EIPR1: variants seen among roughly 807,000 people sequenced by gnomAD.
EIPR1 encodes EARP and GARP complex-interacting protein 1.
A neutral mutation model predicts 48.1 loss-of-function variants in EIPR1; 25 were observed. That is an observed-to-expected ratio of 0.52 (90% CI 0.38 to 0.73). The LOEUF is 0.73. Ranked by LOEUF, EIPR1 falls within the 30% of genes least tolerant of loss-of-function variation. The probability of loss-of-function intolerance (pLI) is 0.00; values close to 1 mark genes in which losing one functional copy is unlikely to be tolerated. For missense variants in EIPR1, 415 were observed against 506.2 expected (o/e 0.82, Z 1.73); for synonymous variants, 204 against 201.9 (o/e 1.01, Z -0.09).
At chr2:3,257,845 TCTCTC>T (rs1667210118) in intron 3 of EIPR1, among the ~76,000 whole-genome samples, 1 of 152,226 alleles carries the variant, frequency 6.6e-6, no homozygotes, top group South Asian at 2.1e-4. Context: ...AAACGGGTTT[TCTCTC>T]CATAGCTGTA....
rs370318188 is a variant in EIPR1, at chr2:3,189,302, T to C, written c.*32A>G. The stretch of plus-strand genomic sequence containing the variant: ...GAGAATCTGCCAAGAGGAAAACCAC[T>C]CAATGGGACCTGGATAACCCAGGCC... On this transcript the variant is annotated 3_prime_UTR_variant, in exon 9 of 9. Coordinates refer to ENST00000382125, the MANE Select transcript of EIPR1 (RefSeq NM_003310.5). The surrounding 1 kb of genome is among the most constrained non-coding windows in gnomAD (Gnocchi z 4.6). 5.3e-6 allele frequency: 8 copies of C among 1,523,514 alleles called. No individual in the cohort carries two copies. In the African/African-American group the frequency reaches 9.6e-5, roughly 18 times the overall value. The allele number at this position is 1,523,514 out of a possible 1,614,324, so 94.4% of individuals were successfully genotyped here.
At chr2:3,243,450 T>C (rs1666699387) in intron 4 of EIPR1, among the ~76,000 whole-genome samples, 1 of 151,938 alleles carries the variant, frequency 6.6e-6, no homozygotes, top group Non-Finnish European at 1.5e-5. Flanking sequence ...GCCAACGTGG[T>C]AAAACCCCAT....
intron 3 of EIPR1, among the ~76,000 whole-genome samples, chr2:3,288,712 A>C (rs1668279739): frequency 6.6e-6 from 1 of 152,230 alleles, no homozygotes; most frequent in Admixed American, 6.5e-5. Context: ...CATCAAGACC[A>C]GGAAACACTG....
At chr2:3,265,668 C>T (rs979212240) in intron 3 of EIPR1, among the ~76,000 whole-genome samples, 2 of 152,216 alleles carry the variant, frequency 1.3e-5, no homozygotes, top group African/African-American at 4.8e-5. Context: ...CCACATAAAA[C>T]CAGACATATG....
At chr2:3,285,419 G>A (rs549074740) in intron 3 of EIPR1, among the ~76,000 whole-genome samples, 1 of 150,968 alleles carries the variant, frequency 6.6e-6, no homozygotes, top group South Asian at 2.1e-4. Flanking sequence ...CACTGGCCAC[G>A]GCCTCTGCTT....
At chr2:3,226,304 C>T (rs1159156076) in intron 4 of EIPR1, among the ~76,000 whole-genome samples, 2 of 152,170 alleles carry the variant, frequency 1.3e-5, no homozygotes, top group African/African-American at 4.8e-5. Flanking sequence ...CTTTTTCATA[C>T]TGGCCATCCT....
At chr2:3,283,210 G>A (rs958856543) in intron 3 of EIPR1, among the ~76,000 whole-genome samples, 5 of 152,110 alleles carry the variant, frequency 3.3e-5, no homozygotes, top group African/African-American at 1.2e-4. Flanking sequence ...GCTCTCCTGG[G>A]GCAGGGACAT....
At chr2:3,201,201 C>T (rs1453757941) in intron 5 of EIPR1, among the ~76,000 whole-genome samples, 2 of 152,140 alleles carry the variant, frequency 1.3e-5, no homozygotes, top group African/African-American at 2.4e-5. Flanking sequence ...GGCAAAAGCG[C>T]CGGGAACACC....
At chr2:3,271,381 T>C (rs948718939) in intron 3 of EIPR1, among the ~76,000 whole-genome samples, 4 of 152,344 alleles carry the variant, frequency 2.6e-5, no homozygotes, top group African/African-American at 2.4e-5. Flanking sequence ...CCAAGACCCA[T>C]CAGAGGAATC....
At chr2:3,237,111 G>T (rs1387726545) in intron 4 of EIPR1, among the ~76,000 whole-genome samples, 4 of 152,026 alleles carry the variant, frequency 2.6e-5, no homozygotes, top group Non-Finnish European at 5.9e-5. Flanking sequence ...CCCCACACAG[G>T]TCCACCTGGG....
chr2:3,222,435 A>C (rs1665925327), intron 4 of EIPR1, among the ~76,000 whole-genome samples: 1 of 152,270 alleles, frequency 6.6e-6, no homozygotes, highest in Non-Finnish European at 1.5e-5. Context: ...TGGCTGTATA[A>C]GTAACTTTTT....
At chr2:3,255,977 G>A (rs761764889) in intron 4 of EIPR1, among the ~76,000 whole-genome samples, 1 of 152,142 alleles carries the variant, frequency 6.6e-6, no homozygotes, top group Admixed American at 6.5e-5. Flanking sequence ...TCCTGCATTC[G>A]GGCGGGGAGT....
chr2:3,209,530 C>T (rs1665367249), intron 5 of EIPR1, among the ~76,000 whole-genome samples: 1 of 152,226 alleles, frequency 6.6e-6, no homozygotes, highest in African/African-American at 2.4e-5. Context: ...AAACGCACAG[C>T]GATCAGCCCC....
intron 5 of EIPR1, among the ~76,000 whole-genome samples, chr2:3,209,836 T>C (rs982193505): frequency 6.6e-6 from 1 of 152,106 alleles, no homozygotes; most frequent in Non-Finnish European, 1.5e-5. Context: ...ATGGCAATGG[T>C]GAAAAGATCG....
At chr2:3,363,556 T>A (rs1670900239) in intron 1 of EIPR1, among the ~76,000 whole-genome samples, 1 of 151,954 alleles carries the variant, frequency 6.6e-6, no homozygotes, top group Non-Finnish European at 1.5e-5. Context: ...GTCAGCCAAG[T>A]GTGGAGGTGT....
At chr2:3,351,899 A>G (rs1670587531) in intron 2 of EIPR1, among the ~76,000 whole-genome samples, 1 of 152,244 alleles carries the variant, frequency 6.6e-6, no homozygotes, top group Non-Finnish European at 1.5e-5. Context: ...TCTAAATCAC[A>G]TACCATTCTG....
At chr2:3,234,427 G>A (rs1278000160) in intron 4 of EIPR1, among the ~76,000 whole-genome samples, 1 of 152,076 alleles carries the variant, frequency 6.6e-6, no homozygotes, top group African/African-American at 2.4e-5. Context: ...TCTCCGTGTC[G>A]GCTGGGGACA....
intron 3 of EIPR1, among the ~76,000 whole-genome samples, chr2:3,288,681 C>T (rs2103270532): frequency 6.6e-6 from 1 of 152,224 alleles, no homozygotes; most frequent in East Asian, 1.9e-4. Flanking sequence ...ACGTGAAGAT[C>T]CCGAGACAAG....
chr2:3,346,166 C>T (rs903303709), intron 2 of EIPR1, among the ~76,000 whole-genome samples: 7 of 152,242 alleles, frequency 4.6e-5, no homozygotes, highest in African/African-American at 7.2e-5. Flanking sequence ...GGCCCAAGGG[C>T]GGCAGCAGGG....
Sources: allele counts gnomAD v4.1 joint callset (sites outside exome capture counted in the v4.1 genomes callset), GRCh38; gene constraint gnomAD v4.1.1; non-coding constraint Gnocchi (gnomAD v3.1); transcripts MANE v1.5; gene names NCBI Gene and HGNC (gene_info 2026-07-23, HGNC 2026-07-21).